Variants in AKAP6 observed in about 807,000 individuals in gnomAD.
AKAP6 encodes A-kinase anchor protein 6.
A neutral mutation model predicts 188.5 loss-of-function variants in AKAP6; 58 were observed. That is an observed-to-expected ratio of 0.31 (90% CI 0.25 to 0.38). The LOEUF (loss-of-function observed/expected upper bound fraction) is 0.38. Among genes scored for constraint, AKAP6 ranks in the 10% least tolerant of loss-of-function variants. The probability of loss-of-function intolerance (pLI) is 1.00; values close to 1 mark genes in which losing one functional copy is unlikely to be tolerated. For missense variants in AKAP6, 2,710 were observed against 2,740.0 expected, an observed-to-expected ratio of 0.99 and a Z score of 0.24; for synonymous variants, 989 against 998.6, an observed-to-expected ratio of 0.99 and a Z score of 0.18.
intron 7 of AKAP6, among the ~76,000 whole-genome samples, chr14:32,676,895 G>T (rs1240087690): frequency 1.3e-5 from 2 of 152,090 alleles, no homozygotes; most frequent in Admixed American, 1.3e-4. Context: ...GTGCAGTCAT[G>T]CAATCTTGGC....
intron 5 of AKAP6, among the ~76,000 whole-genome samples, chr14:32,578,246 T>G (rs1884815472): frequency 1.3e-5 from 2 of 152,072 alleles, no homozygotes; most frequent in Non-Finnish European, 2.9e-5. Flanking sequence ...GGGAAAGAGA[T>G]AATGTTTCAG....
At chr14:32,611,761 A>G (rs1033847247) in intron 7 of AKAP6, among the ~76,000 whole-genome samples, 2 of 152,196 alleles carry the variant, frequency 1.3e-5, no homozygotes, top group Non-Finnish European at 2.9e-5. Context: ...ATGGAGCGAG[A>G]GTGAACTTAG....
At chr14:32,760,610 G>A (rs1349761115) in intron 11 of AKAP6, among the ~76,000 whole-genome samples, 3 of 152,126 alleles carry the variant, frequency 2.0e-5, no homozygotes, top group African/African-American at 4.8e-5. Flanking sequence ...CTACCCTCCC[G>A]TGTATTCAAT....
At chr14:32,349,995 A>G (rs1450385039) in intron 1 of AKAP6, among the ~76,000 whole-genome samples, 1 of 152,226 alleles carries the variant, frequency 6.6e-6, no homozygotes, top group East Asian at 1.9e-4. Context: ...AATATACATG[A>G]GTGTATACTA....
intron 5 of AKAP6, among the ~76,000 whole-genome samples, chr14:32,582,643 G>A (rs1031201188): frequency 6.6e-6 from 1 of 151,948 alleles, no homozygotes; most frequent in Non-Finnish European, 1.5e-5. Context: ...ACGTAGATTT[G>A]GTCTTTTCAC....
intron 9 of AKAP6, among the ~76,000 whole-genome samples, chr14:32,701,419 T>C (rs1486030610): frequency 6.6e-6 from 1 of 152,254 alleles, no homozygotes; most frequent in South Asian, 2.1e-4. Context: ...GAAAAAGAGA[T>C]AATACTTCCT....
chr14:32,698,073 C>T (rs1594858718), intron 9 of AKAP6, among the ~76,000 whole-genome samples: 1 of 152,136 alleles, frequency 6.6e-6, no homozygotes, highest in Non-Finnish European at 1.5e-5. Flanking sequence ...GTAGAAAATG[C>T]TGCTAGTCTG....
chr14:32,553,236 C>T (rs1190496628), intron 4 of AKAP6, among the ~76,000 whole-genome samples: 3 of 149,996 alleles, frequency 2.0e-5, no homozygotes, highest in Non-Finnish European at 4.4e-5. Context: ...GGTCTCAGCT[C>T]ACTGCACCTC....
intron 9 of AKAP6, among the ~76,000 whole-genome samples, chr14:32,727,240 G>A (rs544444296): frequency 5.3e-5 from 8 of 152,136 alleles, no homozygotes; most frequent in Non-Finnish European, 1.0e-4. Context: ...GCGTCCTTAT[G>A]CAGTATTTTT....
At chr14:32,743,186 C>T (rs971068735) in intron 11 of AKAP6, among the ~76,000 whole-genome samples, 3 of 152,032 alleles carry the variant, frequency 2.0e-5, no homozygotes, top group Non-Finnish European at 4.4e-5. Flanking sequence ...CACATAGCTA[C>T]TCCTCCTCTT....
intron 9 of AKAP6, among the ~76,000 whole-genome samples, chr14:32,713,724 A>G (rs2030023289): frequency 6.6e-6 from 1 of 152,064 alleles, no homozygotes; most frequent in African/African-American, 2.4e-5. Flanking sequence ...AAAATGAGTT[A>G]GGGCCTTCCT....
chr14:32,773,590 TTTGA>T (rs1246657021), intron 11 of AKAP6, 84 bp from the exon 12 acceptor site: 1 of 1,267,626 alleles, frequency 7.9e-7, no homozygotes, highest in African/African-American at 1.5e-5. Context: ...ATCACTACAA[TTTGA>T]AATTATGATG....
At chr14:32,728,127 C>T in intron 9 of AKAP6, among the ~76,000 whole-genome samples, 1 of 150,728 alleles carries the variant, frequency 6.6e-6, no homozygotes, top group Non-Finnish European at 1.5e-5. Flanking sequence ...GAGGGGCCAC[C>T]ATGAAGCCTC....
intron 4 of AKAP6, among the ~76,000 whole-genome samples, chr14:32,572,236 C>T (rs1884523114): frequency 6.6e-6 from 1 of 152,208 alleles, no homozygotes; most frequent in Admixed American, 6.5e-5. Context: ...GTTTCCTCAT[C>T]TGTAAAATGA....
chr14:32,395,426 C>G (rs961328233), intron 1 of AKAP6, among the ~76,000 whole-genome samples: 8 of 152,058 alleles, frequency 5.3e-5, no homozygotes, highest in African/African-American at 1.9e-4. Flanking sequence ...TGCCGTCTCA[C>G]TGGGATACTG....
rs141486388 is a variant in AKAP6, at chr14:32,824,199, T to C, written c.6386T>C (p.Ile2129Thr). The change falls in exon 13 of 14, where the codon ATA becomes ACA. Residue 2129 changes from isoleucine to threonine, a missense_variant. Transcript: ENST00000280979. ...GATTGTGGGGAGGTCACCAATTACA[T>C]AGAAGAGAAAAGCAGCACTCCATTG... ...DSDCGEVTNY[I>T]EEKSSTPLPL... The C allele has an allele frequency of 2.1e-4, 347 of 1,613,954 alleles. 1 individual carries two copies. In the East Asian group the frequency reaches 7.2e-3, roughly 33 times the overall value.
chr14:32,481,399 A>C (rs1879334256), intron 2 of AKAP6, among the ~76,000 whole-genome samples: 1 of 152,148 alleles, frequency 6.6e-6, no homozygotes, highest in Non-Finnish European at 1.5e-5. Flanking sequence ...TTATGCTGCT[A>C]ATAAAGACAT....
intron 12 of AKAP6, among the ~76,000 whole-genome samples, chr14:32,809,740 C>T (rs2034176096): frequency 6.6e-6 from 1 of 152,066 alleles, no homozygotes; most frequent in African/African-American, 2.4e-5. Flanking sequence ...AAAAATAAAG[C>T]CTTTGTCAGC....
chr14:32,522,982 A>C (rs1045008387), intron 2 of AKAP6, among the ~76,000 whole-genome samples: 1 of 152,184 alleles, frequency 6.6e-6, no homozygotes, highest in African/African-American at 2.4e-5. Context: ...TACACCATGG[A>C]ATGCTATGCA....
Sources: allele counts gnomAD v4.1 joint callset (sites outside exome capture counted in the v4.1 genomes callset), GRCh38; gene constraint gnomAD v4.1.1; transcripts MANE v1.5; gene names NCBI Gene and HGNC (gene_info 2026-07-23, HGNC 2026-07-21).